The following HTR2C variants were observed in gnomAD, a reference collection of about 807,000 sequenced individuals.
HTR2C encodes the protein 5-hydroxytryptamine (serotonin) receptor 2C, G protein-coupled.
A neutral mutation model predicts 21.0 loss-of-function variants in HTR2C; 5 were observed. The observed-to-expected ratio is 0.24, with a 90% CI of 0.12 to 0.50. HTR2C has a LOEUF of 0.50. Among genes scored for constraint, HTR2C ranks in the 20% least tolerant of loss-of-function variants. The pLI is 0.98. For missense variants in HTR2C, 271 were observed against 371.2 expected (o/e 0.73, Z 2.22); for synonymous variants, 150 against 145.3 (o/e 1.03, Z -0.23).
At chrX:114,872,370 A>G (rs1556476820) in intron 5 of HTR2C, among the ~76,000 whole-genome samples, 1 of 110,058 alleles carries the variant, frequency 9.1e-6, no homozygotes, top group Non-Finnish European at 1.9e-5. Flanking sequence ...CTCATTTTCT[A>G]GTTTTCTTTG....
intron 2 of HTR2C, among the ~76,000 whole-genome samples, chrX:114,648,732 A>T (rs1281777569): frequency 4.5e-5 from 5 of 111,878 alleles, no homozygotes; most frequent in African/African-American, 1.6e-4. Flanking sequence ...GTCTCAAAAA[A>T]GAAAGTTATG....
chrX:114,651,016 G>A (rs921029198), intron 2 of HTR2C, among the ~76,000 whole-genome samples: 1 of 111,845 alleles, frequency 8.9e-6, no homozygotes, highest in Admixed American at 9.5e-5. Flanking sequence ...GCAGTTTACA[G>A]AACACTTTTG....
intron 4 of HTR2C, among the ~76,000 whole-genome samples, chrX:114,805,963 TACCATATATATAC>T (rs1177089017): frequency 1.5e-4 from 8 of 53,594 alleles, no homozygotes; most frequent in African/African-American, 3.9e-4. Context: ...ACCATATATA[TACCATATATATAC>T]ACCATATATA....
chrX:114,733,816 G>A (rs945016655), intron 4 of HTR2C, among the ~76,000 whole-genome samples: 1 of 110,968 alleles, frequency 9.0e-6, no homozygotes, highest in Non-Finnish European at 1.9e-5. Context: ...CAAACTGTCA[G>A]TCATGTTCAT....
intron 5 of HTR2C, among the ~76,000 whole-genome samples, chrX:114,887,074 C>A (rs1272494840): frequency 8.9e-6 from 1 of 111,908 alleles, no homozygotes; most frequent in Non-Finnish European, 1.9e-5. Context: ...ATTAGATGAA[C>A]AAAGACAAAG....
intron 2 of HTR2C, among the ~76,000 whole-genome samples, chrX:114,623,556 T>C (rs1459366396): frequency 4.5e-5 from 5 of 111,828 alleles, no homozygotes; most frequent in African/African-American, 1.6e-4. Context: ...TATAAGACAG[T>C]GTATATTGAT....
chrX:114,609,466 T>G (rs1389295082), intron 1 of HTR2C, among the ~76,000 whole-genome samples: 1 of 111,698 alleles, frequency 9.0e-6, no homozygotes, highest in Non-Finnish European at 1.9e-5. Flanking sequence ...ATTTTGTATT[T>G]AAAAGATTTC....
chrX:114,593,129 G>T (rs1927699258), intron 1 of HTR2C, among the ~76,000 whole-genome samples: 1 of 112,128 alleles, frequency 8.9e-6, no homozygotes, highest in African/African-American at 3.2e-5. Context: ...AGTGTAAAAA[G>T]ACTACTGGCC....
intron 4 of HTR2C, among the ~76,000 whole-genome samples, chrX:114,771,879 T>A (rs997683849): frequency 1.8e-5 from 2 of 112,122 alleles, no homozygotes; most frequent in South Asian, 7.3e-4. Flanking sequence ...GAATAATGTG[T>A]TTCAAAGGAA....
Position 114,891,210 on chromosome X carries a change from C to G in HTR2C, c.551-15379C>G, listed in dbSNP as rs1380149932. Among the ~76,000 whole-genome samples, 3 of 111,042 alleles carry G rather than the reference C, an allele frequency of 2.7e-5. No individual in the cohort carries two copies. The South Asian group carries it at 1.1e-3, about 42-fold the overall frequency. On this transcript the variant is annotated intron_variant, in intron 5 of 5. Coordinates refer to ENST00000276198, the MANE Select transcript of HTR2C (RefSeq NM_000868.4). ...TCATTAATACCATATTTGCCTCGAA[C>G]TTATTGAACATATTTTAAAATACCT... is the stretch of plus-strand genomic sequence containing the variant.
At chrX:114,784,542 C>A (rs1366096092) in intron 4 of HTR2C, among the ~76,000 whole-genome samples, 1 of 109,651 alleles carries the variant, frequency 9.1e-6, no homozygotes, top group Non-Finnish European at 1.9e-5. Context: ...CAATCCTTGA[C>A]GGTCCTTGGC....
chrX:114,746,600 T>C (rs1357052754), intron 4 of HTR2C, among the ~76,000 whole-genome samples: 1 of 110,996 alleles, frequency 9.0e-6, no homozygotes, highest in Non-Finnish European at 1.9e-5. Flanking sequence ...AGGCCTGTAA[T>C]CCCAGCAATC....
chrX:114,661,859 T>G (rs1373218975), intron 2 of HTR2C, among the ~76,000 whole-genome samples: 1 of 111,876 alleles, frequency 8.9e-6, no homozygotes, highest in Non-Finnish European at 1.9e-5. Context: ...TTACGTTTCC[T>G]AGGTCCCACT....
At chrX:114,746,362 C>T (rs1196025008) in intron 4 of HTR2C, among the ~76,000 whole-genome samples, 1 of 110,964 alleles carries the variant, frequency 9.0e-6, no homozygotes, top group Admixed American at 9.6e-5. Flanking sequence ...CAAAAATAAT[C>T]AAGATATATT....
chrX:114,774,057 A>G (rs979045643), intron 4 of HTR2C, among the ~76,000 whole-genome samples: 44 of 112,328 alleles, frequency 3.9e-4, no homozygotes, highest in Non-Finnish European at 7.9e-4. Context: ...CTTATTGAGT[A>G]TCTGCTCTTT....
intron 4 of HTR2C, among the ~76,000 whole-genome samples, chrX:114,830,173 A>C (rs782198476): frequency 1.8e-5 from 2 of 111,527 alleles, no homozygotes; most frequent in African/African-American, 6.5e-5. Flanking sequence ...TTGCCACTAT[A>C]GATGGGCAAT....
At chrX:114,613,060 C>A (rs1928809300) in intron 1 of HTR2C, among the ~76,000 whole-genome samples, 1 of 110,178 alleles carries the variant, frequency 9.1e-6, no homozygotes, top group African/African-American at 3.3e-5. Flanking sequence ...GCCTCAGCCT[C>A]CTGAGCAGCT....
chrX:114,745,257 G>A (rs782435082), intron 4 of HTR2C, among the ~76,000 whole-genome samples: 2 of 112,090 alleles, frequency 1.8e-5, no homozygotes, highest in Non-Finnish European at 3.8e-5. Context: ...CTACAATCTC[G>A]CCCCAGTTAA....
intron 5 of HTR2C, among the ~76,000 whole-genome samples, chrX:114,891,441 T>G (rs2071258284): frequency 9.1e-6 from 1 of 109,936 alleles, no homozygotes; most frequent in South Asian, 3.9e-4. Context: ...GGTATTTAAC[T>G]TTCTGGACTC....
Sources: allele counts gnomAD v4.1 joint callset (sites outside exome capture counted in the v4.1 genomes callset), GRCh38; gene constraint gnomAD v4.1.1; transcripts MANE v1.5; gene names NCBI Gene and HGNC (gene_info 2026-07-23, HGNC 2026-07-21).